SLC24A3: variants seen among roughly 807,000 people sequenced by gnomAD.
SLC24A3 encodes sodium/potassium/calcium exchanger 3.
SLC24A3 carries 28 observed loss-of-function variants against 75.8 expected under a neutral mutation model. The ratio of observed to expected loss-of-function variants is 0.37; its 90% CI spans 0.27 to 0.51. SLC24A3 has a LOEUF of 0.51. SLC24A3 is among the 20% of genes least tolerant of loss of function. SLC24A3 has a pLI of 0.94. For missense variants in SLC24A3, 663 were observed against 847.8 expected (o/e 0.78, Z 2.71); for synonymous variants, 372 against 334.1 (o/e 1.11, Z -1.24).
intron 1 of SLC24A3, among the ~76,000 whole-genome samples, chr20:19,231,590 G>A (rs1021244949): frequency 6.6e-5 from 10 of 152,202 alleles, no homozygotes; most frequent in Non-Finnish European, 1.2e-4. Context: ...GACAAGGCAA[G>A]GCTGCAGATT....
At chr20:19,401,030 C>T (rs940438735) in intron 2 of SLC24A3, among the ~76,000 whole-genome samples, 1 of 152,092 alleles carries the variant, frequency 6.6e-6, no homozygotes, top group Non-Finnish European at 1.5e-5. Context: ...AGGCTGTTAT[C>T]GAGTGTGTGA....
chr20:19,329,039 C>T (rs558145551), intron 2 of SLC24A3, among the ~76,000 whole-genome samples: 9 of 152,152 alleles, frequency 5.9e-5, no homozygotes, highest in East Asian at 3.9e-4. Flanking sequence ...ATGCATCAGG[C>T]GACTCCAAGG....
intron 6 of SLC24A3, among the ~76,000 whole-genome samples, chr20:19,639,609 A>C (rs1039019127): frequency 2.0e-5 from 3 of 152,230 alleles, no homozygotes; most frequent in Admixed American, 1.3e-4. Flanking sequence ...GGTGCCTGCC[A>C]GTCCGGCGCG....
chr20:19,601,976 C>A (rs1305972563), intron 6 of SLC24A3, among the ~76,000 whole-genome samples: 1 of 152,098 alleles, frequency 6.6e-6, no homozygotes, highest in East Asian at 1.9e-4. Flanking sequence ...AGTTCGAGAC[C>A]AGCCTGGGCA....
At chr20:19,437,648 G>A (rs1349096616) in intron 2 of SLC24A3, among the ~76,000 whole-genome samples, 3 of 152,184 alleles carry the variant, frequency 2.0e-5, no homozygotes, top group Non-Finnish European at 4.4e-5. Context: ...CAAACGGCCA[G>A]GACAGGATAA....
At chr20:19,659,652 G>T (rs2032304877) in intron 7 of SLC24A3, among the ~76,000 whole-genome samples, 1 of 152,184 alleles carries the variant, frequency 6.6e-6, no homozygotes, top group Non-Finnish European at 1.5e-5. Context: ...CATCACCAGG[G>T]CTCTGGTGGT....
intron 2 of SLC24A3, among the ~76,000 whole-genome samples, chr20:19,440,400 G>T (rs531946731): frequency 6.6e-6 from 1 of 152,304 alleles, no homozygotes; most frequent in African/African-American, 2.4e-5. Flanking sequence ...GATCTCTTTT[G>T]TCTCTGACTG....
At chr20:19,705,259 G>A (rs972729643) in intron 15 of SLC24A3, among the ~76,000 whole-genome samples, 2 of 152,172 alleles carry the variant, frequency 1.3e-5, no homozygotes, top group African/African-American at 2.4e-5. Context: ...CTGGGCCATG[G>A]TAACTGATAT....
At chr20:19,261,422 G>A (rs1568571716) in intron 1 of SLC24A3, among the ~76,000 whole-genome samples, 1 of 152,164 alleles carries the variant, frequency 6.6e-6, no homozygotes, top group Non-Finnish European at 1.5e-5. Context: ...GCTCACTGCA[G>A]CCTCGAACTC....
intron 2 of SLC24A3, among the ~76,000 whole-genome samples, chr20:19,352,651 C>T (rs1435942346): frequency 1.3e-5 from 2 of 152,334 alleles, no homozygotes; most frequent in East Asian, 3.9e-4. Context: ...TGGTTTCTCA[C>T]CCCAAAGCCC....
chr20:19,281,110 G>C, intron 2 of SLC24A3, 23 bp downstream of exon 2: 1 of 1,612,678 alleles, frequency 6.2e-7, no homozygotes, highest in Non-Finnish European at 8.5e-7. Flanking sequence ...ACTACTCATG[G>C]GCAGCAGCTG....
At chr20:19,711,880 T>G (rs1264568914) in intron 15 of SLC24A3, among the ~76,000 whole-genome samples, 2 of 152,192 alleles carry the variant, frequency 1.3e-5, no homozygotes, top group African/African-American at 4.8e-5. Flanking sequence ...CCTCGTGATC[T>G]GCCCGCTTTG....
At chr20:19,363,874 T>G (rs1159730276) in intron 2 of SLC24A3, among the ~76,000 whole-genome samples, 1 of 152,022 alleles carries the variant, frequency 6.6e-6, no homozygotes, top group East Asian at 1.9e-4. Flanking sequence ...GGCCATTGGG[T>G]CCAATTGCAA....
In SLC24A3 at chr20:19,652,917, C is replaced by T. The variant is rs1056185708; in HGVS notation, c.613-1145C>T. Among the ~76,000 whole-genome samples, 118 of 152,094 alleles carry T rather than the reference C, an allele frequency of 7.8e-4. 2 individuals carry two copies. Among genetic ancestry groups the T allele is most frequent in the Non-Finnish European group, 7.4e-4 (50 of 68,016 alleles). ...CTGTGTCTTTTTTCACTTACTACGC[C>T]AAGGGCAAAGGTAGCCAGGCAAACA... On this transcript the variant is annotated intron_variant, in intron 6 of 16. Transcript: ENST00000328041.
chr20:19,706,005 C>T (rs903374458), intron 15 of SLC24A3, among the ~76,000 whole-genome samples: 4 of 152,264 alleles, frequency 2.6e-5, no homozygotes, highest in African/African-American at 9.6e-5. Context: ...AGTCACCATG[C>T]AGGCTCCAGG....
At chr20:19,684,907 G>C (rs1312807918) in intron 11 of SLC24A3, among the ~76,000 whole-genome samples, 193 bp from the exon 12 acceptor site, 1 of 152,168 alleles carries the variant, frequency 6.6e-6, no homozygotes, top group African/African-American at 2.4e-5. Flanking sequence ...GGTCATAAAA[G>C]ACTAATCTTT....
intron 2 of SLC24A3, among the ~76,000 whole-genome samples, chr20:19,464,744 A>G (rs1344535846): frequency 2.6e-5 from 4 of 152,198 alleles, no homozygotes; most frequent in African/African-American, 9.7e-5. Context: ...AGGTCAAGAG[A>G]AAAAAAGGAG....
chr20:19,263,111 A>G (rs1983049173), intron 1 of SLC24A3, among the ~76,000 whole-genome samples: 1 of 142,364 alleles, frequency 7.0e-6, no homozygotes, highest in African/African-American at 2.6e-5. Context: ...TGTTTCTTTC[A>G]CTTTTAGAAA....
chr20:19,398,832 A>G (rs919899419), intron 2 of SLC24A3, among the ~76,000 whole-genome samples: 1 of 152,332 alleles, frequency 6.6e-6, no homozygotes, highest in African/African-American at 2.4e-5. Context: ...TTCTGTCTTC[A>G]TAAAATAAGT....
Sources: allele counts gnomAD v4.1 joint callset (sites outside exome capture counted in the v4.1 genomes callset), GRCh38; gene constraint gnomAD v4.1.1; transcripts MANE v1.5; gene names NCBI Gene and HGNC (gene_info 2026-07-23, HGNC 2026-07-21).